The following SPHKAP variants were observed in gnomAD, a reference collection of about 807,000 sequenced individuals.
The protein encoded by SPHKAP is A-kinase anchor protein SPHKAP.
SPHKAP carries 67 observed loss-of-function variants against 137.5 expected under a neutral mutation model. The observed-to-expected ratio is 0.49, with a 90% CI of 0.40 to 0.60. The LOEUF is 0.60. Among genes scored for constraint, SPHKAP ranks in the 20% least tolerant of loss-of-function variants. The pLI, the probability that SPHKAP is intolerant of heterozygous loss-of-function variation, is 0.00. For synonymous variants in SPHKAP, 813 were observed against 785.3 expected, an observed-to-expected ratio of 1.04 and a Z score of -0.59; for missense variants, 2,097 against 2,069.3, an observed-to-expected ratio of 1.01 and a Z score of -0.26.
chr2:228,094,919 T>A (rs916160004), intron 3 of SPHKAP, among the ~76,000 whole-genome samples: 1 of 152,198 alleles, frequency 6.6e-6, no homozygotes, highest in Non-Finnish European at 1.5e-5. Flanking sequence ...GTTTGTTTAC[T>A]TTTGGTTTTT....
chr2:228,026,046 A>T (rs1695023000), intron 4 of SPHKAP: 1 of 170,526 alleles, frequency 5.9e-6, no homozygotes, highest in Non-Finnish European at 1.2e-5. Flanking sequence ...GTCTCATGAG[A>T]TCTGATGGTT....
At chr2:228,071,419 AT>A (rs969715957) in intron 3 of SPHKAP, among the ~76,000 whole-genome samples, 1 of 152,148 alleles carries the variant, frequency 6.6e-6, no homozygotes, top group African/African-American at 2.4e-5. Flanking sequence ...TTATCTTGAC[AT>A]TTTTTAAGCC....
At chr2:228,104,522 T>G (rs1698281550) in intron 3 of SPHKAP, among the ~76,000 whole-genome samples, 1 of 151,722 alleles carries the variant, frequency 6.6e-6, no homozygotes, top group Non-Finnish European at 1.5e-5. Flanking sequence ...TTTGGAGAAA[T>G]AATATAAAAT....
intron 11 of SPHKAP, among the ~76,000 whole-genome samples, chr2:227,984,316 A>G (rs1693130615): frequency 6.8e-6 from 1 of 146,532 alleles, no homozygotes; most frequent in East Asian, 1.9e-4. Flanking sequence ...AAAAAAAAAA[A>G]AAGAAAGAAA....
rs1694654783 is a variant in SPHKAP at position 228,017,534 on chromosome 2, C to T, written c.3320G>A (p.Ser1107Asn). ...AGAGCTGGCCCTGCTGACCGGCTGG[C>T]TCAGCGTGCTCATTAAGCCCAGGCT... ...VNSLGLMSTL[S>N]QPVSRASSVS... The change falls in exon 7 of 12, where the codon AGC becomes AAC. Residue 1107 changes from serine (S) to asparagine (N), a missense_variant. Coordinates refer to ENST00000392056, the MANE Select transcript of SPHKAP (RefSeq NM_001142644.2). The T allele has an allele frequency of 6.2e-7, 1 of 1,612,848 alleles. No homozygotes were observed. The highest frequency in any genetic ancestry group is 1.1e-5 in the South Asian group (1 of 90,930).
chr2:228,091,047 A>G (rs1174162985), intron 3 of SPHKAP, among the ~76,000 whole-genome samples: 1 of 152,236 alleles, frequency 6.6e-6, no homozygotes, highest in Non-Finnish European at 1.5e-5. Context: ...AAACAGTCCA[A>G]TCAAAAGTCA....
intron 2 of SPHKAP, among the ~76,000 whole-genome samples, chr2:228,121,760 G>A (rs1423198787): frequency 6.6e-6 from 1 of 152,148 alleles, no homozygotes; most frequent in Non-Finnish European, 1.5e-5. Context: ...ATGCAAAGGA[G>A]AGGGCTCATT....
At chr2:228,126,472 C>T (rs1161181606) in intron 2 of SPHKAP, among the ~76,000 whole-genome samples, 1 of 152,106 alleles carries the variant, frequency 6.6e-6, no homozygotes, top group East Asian at 1.9e-4. Flanking sequence ...ACTTAATTGT[C>T]ACCACTCCAT....
intron 3 of SPHKAP, among the ~76,000 whole-genome samples, chr2:228,029,415 G>T (rs1163614013): frequency 6.6e-6 from 1 of 152,148 alleles, no homozygotes; most frequent in Non-Finnish European, 1.5e-5. Context: ...GAAGTGTAAA[G>T]ATCACTACTG....
chr2:228,162,955 T>A (rs986586392), intron 1 of SPHKAP, among the ~76,000 whole-genome samples: 11 of 152,114 alleles, frequency 7.2e-5, no homozygotes, highest in African/African-American at 2.7e-4. Context: ...CAGCTCGGCC[T>A]CCCAAAGTGC....
At chr2:227,995,734 A>C in intron 7 of SPHKAP, 40 bp from the exon 8 acceptor site, 1 of 1,464,568 alleles carries the variant, frequency 6.8e-7, no homozygotes, top group Non-Finnish European at 9.0e-7. Context: ...GAGGCAGCAC[A>C]CACACACACA....
chr2:228,151,087 C>T (rs1348797193), intron 1 of SPHKAP, among the ~76,000 whole-genome samples: 1 of 141,534 alleles, frequency 7.1e-6, no homozygotes, highest in African/African-American at 2.6e-5. Context: ...TCCCCGCTCC[C>T]CCCACCCCAC....
chr2:228,039,185 G>T (rs1695747095), intron 3 of SPHKAP, among the ~76,000 whole-genome samples: 1 of 152,206 alleles, frequency 6.6e-6, no homozygotes, highest in Non-Finnish European at 1.5e-5. Context: ...AGCTGAAGCA[G>T]ATGGAAACAC....
At chr2:228,124,032 A>T (rs1466687715) in intron 2 of SPHKAP, among the ~76,000 whole-genome samples, 1 of 151,834 alleles carries the variant, frequency 6.6e-6, no homozygotes, top group Non-Finnish European at 1.5e-5. Flanking sequence ...AACCACGATG[A>T]GATACCATCT....
At chr2:228,004,339 T>A (rs1694040171) in intron 7 of SPHKAP, among the ~76,000 whole-genome samples, 1 of 152,234 alleles carries the variant, frequency 6.6e-6, no homozygotes, top group Admixed American at 6.5e-5. Flanking sequence ...ATTTTCTAGT[T>A]TATTTGCGTA....
intron 3 of SPHKAP, among the ~76,000 whole-genome samples, chr2:228,099,844 GA>G (rs1698128136): frequency 1.5e-5 from 1 of 68,344 alleles, no homozygotes; most frequent in Non-Finnish European, 3.0e-5. Context: ...AAATGCTACT[GA>G]TTTTTTTTTG....
chr2:228,047,049 A>G (rs1478121026), intron 3 of SPHKAP, among the ~76,000 whole-genome samples: 5 of 152,252 alleles, frequency 3.3e-5, no homozygotes, highest in Admixed American at 3.3e-4. Context: ...CCTGAATGAG[A>G]TAACAAACAA....
chr2:228,008,367 G>C (rs534089129), intron 7 of SPHKAP, among the ~76,000 whole-genome samples: 2 of 150,698 alleles, frequency 1.3e-5, no homozygotes, highest in Non-Finnish European at 2.9e-5. Context: ...TGCAATCTCA[G>C]CTCACTGCAA....
intron 3 of SPHKAP, among the ~76,000 whole-genome samples, chr2:228,097,871 C>T (rs1235479297): frequency 4.6e-5 from 7 of 152,144 alleles, no homozygotes; most frequent in Non-Finnish European, 1.5e-5. Flanking sequence ...ATTTTCTTTA[C>T]CCAGTCCACC....
Sources: allele counts gnomAD v4.1 joint callset (sites outside exome capture counted in the v4.1 genomes callset), GRCh38; gene constraint gnomAD v4.1.1; transcripts MANE v1.5; gene names NCBI Gene and HGNC (gene_info 2026-07-23, HGNC 2026-07-21).